The following CSMD3 variants were observed in gnomAD, a reference collection of about 807,000 sequenced individuals.
CSMD3 encodes the protein CUB and sushi domain-containing protein 3.
CSMD3 carries 177 observed loss-of-function variants against 435.2 expected under a neutral mutation model. That is an observed-to-expected ratio of 0.41 (90% CI 0.36 to 0.46). The LOEUF (loss-of-function observed/expected upper bound fraction) is 0.46, where lower values mean the gene tolerates loss of function less well. Among genes scored for constraint, CSMD3 ranks in the 20% least tolerant of loss-of-function variants. CSMD3 has a pLI of 0.34. For synonymous variants in CSMD3, 1,656 were observed against 1,520.5 expected, an observed-to-expected ratio of 1.09 and a Z score of -2.07; for missense variants, 4,265 against 4,504.6, an observed-to-expected ratio of 0.95 and a Z score of 1.52.
At chr8:112,503,056 C>A (rs1563627290) in intron 30 of CSMD3, among the ~76,000 whole-genome samples, 2 of 152,112 alleles carry the variant, frequency 1.3e-5, no homozygotes, top group Non-Finnish European at 2.9e-5. Context: ...TATTTCTTCT[C>A]TTTATTATGA....
At position 112,624,871 on chromosome 8, in the gene CSMD3, C is replaced by T. The variant is rs189192308; in HGVS notation, c.3715+11946G>A. Reference sequence around the variant, plus strand: ...ACAAGCCAGACTCACAAATGAGATGCCCATTAAATTTAAGCAATTTACATG... The same window carrying T: ...ACAAGCCAGACTCACAAATGAGATGTCCATTAAATTTAAGCAATTTACATG... On this transcript the variant is annotated intron_variant, in intron 22 of 70. Transcript: ENST00000297405. Among the ~76,000 whole-genome samples, 257 of 152,000 alleles carry T rather than the reference C, an allele frequency of 1.7e-3. 3 individuals are homozygous for T. The highest frequency in any genetic ancestry group is 5.9e-3 in the African/African-American group (247 of 41,514).
chr8:112,817,325 G>GT (rs1188012455), intron 12 of CSMD3, among the ~76,000 whole-genome samples: 1 of 152,042 alleles, frequency 6.6e-6, no homozygotes, highest in African/African-American at 2.4e-5. Context: ...AGAGCTGGAA[G>GT]TAATCTCAAG....
intron 5 of CSMD3, among the ~76,000 whole-genome samples, chr8:113,046,246 A>AC (rs2087824839): frequency 6.7e-6 from 1 of 148,820 alleles, no homozygotes; most frequent in Non-Finnish European, 1.5e-5. Flanking sequence ...AAAGGCCCCT[A>AC]CCCCACAGGG....
At chr8:113,041,735 G>T (rs1386766366) in intron 5 of CSMD3, among the ~76,000 whole-genome samples, 1 of 151,806 alleles carries the variant, frequency 6.6e-6, no homozygotes, top group Non-Finnish European at 1.5e-5. Flanking sequence ...GTTTCATTGT[G>T]ATTTTCCAAA....
chr8:112,548,917 A>G (rs1048043708), intron 27 of CSMD3, among the ~76,000 whole-genome samples: 1 of 152,102 alleles, frequency 6.6e-6, no homozygotes, highest in African/African-American at 2.4e-5. Flanking sequence ...TATTGTTTCT[A>G]TAACTTTAAT....
At chr8:112,467,495 A>G (rs1818077343) in intron 32 of CSMD3, among the ~76,000 whole-genome samples, 1 of 151,304 alleles carries the variant, frequency 6.6e-6, no homozygotes, top group Non-Finnish European at 1.5e-5. Flanking sequence ...TTATACAGCA[A>G]CTTATATTAA....
chr8:112,825,251 G>A (rs573318928), intron 12 of CSMD3, among the ~76,000 whole-genome samples: 4 of 152,104 alleles, frequency 2.6e-5, no homozygotes, highest in Non-Finnish European at 5.9e-5. Context: ...TGGTTAGAAC[G>A]TGCTCCTTTA....
chr8:112,594,672 C>T (rs569234741), intron 22 of CSMD3, among the ~76,000 whole-genome samples: 36 of 152,284 alleles, frequency 2.4e-4, no homozygotes, highest in Middle Eastern at 3.4e-3. Context: ...GATCTGAGAA[C>T]GGGCAGACTG....
intron 38 of CSMD3, among the ~76,000 whole-genome samples, chr8:112,357,580 A>C (rs772570664): frequency 2.6e-5 from 4 of 152,208 alleles, no homozygotes; most frequent in Non-Finnish European, 5.9e-5. Flanking sequence ...CTCCCATCAC[A>C]GGCCTAGAGG....
intron 12 of CSMD3, among the ~76,000 whole-genome samples, chr8:112,827,439 T>C (rs1460481682): frequency 6.6e-6 from 1 of 151,916 alleles, no homozygotes; most frequent in Admixed American, 6.6e-5. Context: ...GCCTGCCTTT[T>C]CTTGTCCATG....
chr8:113,135,412 G>A (rs949363238), intron 4 of CSMD3, among the ~76,000 whole-genome samples: 1 of 151,692 alleles, frequency 6.6e-6, no homozygotes, highest in African/African-American at 2.4e-5. Flanking sequence ...TAATTTTCTT[G>A]ATTATTCATA....
chr8:112,579,410 G>A (rs1246001080), intron 23 of CSMD3, among the ~76,000 whole-genome samples: 2 of 151,996 alleles, frequency 1.3e-5, no homozygotes, highest in Non-Finnish European at 2.9e-5. Flanking sequence ...ATTGAATGTG[G>A]AGTTGGTTAG....
chr8:113,299,284 T>C (rs2093745599), intron 2 of CSMD3, among the ~76,000 whole-genome samples: 1 of 152,188 alleles, frequency 6.6e-6, no homozygotes, highest in Non-Finnish European at 1.5e-5. Flanking sequence ...TAGTGTTAAT[T>C]CTAGAATTAT....
At chr8:112,977,346 A>C (rs1163788559) in intron 6 of CSMD3, among the ~76,000 whole-genome samples, 3 of 152,078 alleles carry the variant, frequency 2.0e-5, no homozygotes, top group Non-Finnish European at 4.4e-5. Context: ...TTTCTTCGCA[A>C]CATTTCAAAA....
At chr8:112,635,247 C>A (rs888643876) in intron 22 of CSMD3, among the ~76,000 whole-genome samples, 1 of 151,952 alleles carries the variant, frequency 6.6e-6, no homozygotes, top group African/African-American at 2.4e-5. Flanking sequence ...TGACTAATTT[C>A]TTTTAATCCT....
At chr8:112,447,578 G>A (rs1270060045) in intron 32 of CSMD3, among the ~76,000 whole-genome samples, 1 of 152,078 alleles carries the variant, frequency 6.6e-6, no homozygotes, top group Non-Finnish European at 1.5e-5. Context: ...GTCTCTCTAA[G>A]TGCTCCTTTT....
At chr8:112,421,889 A>G (rs1812553000) in intron 32 of CSMD3, among the ~76,000 whole-genome samples, 1 of 152,056 alleles carries the variant, frequency 6.6e-6, no homozygotes, top group Admixed American at 6.6e-5. Context: ...AGTTCTTTAT[A>G]CATATCAGCT....
intron 22 of CSMD3, among the ~76,000 whole-genome samples, chr8:112,587,912 C>A (rs1830867363): frequency 2.0e-5 from 3 of 151,762 alleles, no homozygotes. Flanking sequence ...ACCTTCAGGA[C>A]TAATTTTGCA....
chr8:112,477,063 G>C (rs1001965890), intron 31 of CSMD3, among the ~76,000 whole-genome samples: 1 of 152,070 alleles, frequency 6.6e-6, no homozygotes, highest in Non-Finnish European at 1.5e-5. Context: ...GCAAGACCAG[G>C]CTACTATAAA....
Sources: allele counts gnomAD v4.1 joint callset (sites outside exome capture counted in the v4.1 genomes callset), GRCh38; gene constraint gnomAD v4.1.1; transcripts MANE v1.5; gene names NCBI Gene and HGNC (gene_info 2026-07-23, HGNC 2026-07-21).